Variants in COBLL1 observed in about 807,000 individuals in gnomAD.
COBLL1 encodes cordon-bleu protein-like 1.
A neutral mutation model predicts 94.8 loss-of-function variants in COBLL1; 50 were observed. The ratio of observed to expected loss-of-function variants is 0.53; its 90% CI spans 0.42 to 0.67. The LOEUF is 0.67. Ranked by LOEUF, COBLL1 falls within the 30% of genes least tolerant of loss-of-function variation. The pLI is 0.00. For synonymous variants in COBLL1, 448 were observed against 473.8 expected (o/e 0.95, Z 0.71); for missense variants, 1,362 against 1,348.7 (o/e 1.01, Z -0.15).
chr2:164,814,936 T>C (rs910057910), intron 2 of COBLL1, among the ~76,000 whole-genome samples: 5 of 152,182 alleles, frequency 3.3e-5, no homozygotes, highest in African/African-American at 1.2e-4. Context: ...TGTCTCAGCA[T>C]TTTAGTCTCT....
chr2:164,728,918 C>T (rs1031233555), intron 4 of COBLL1, among the ~76,000 whole-genome samples: 5 of 151,956 alleles, frequency 3.3e-5, no homozygotes, highest in East Asian at 1.9e-4. Context: ...AACTTAGCAA[C>T]ATGAGACCAT....
At chr2:164,702,648 GT>G (rs1353079797) in intron 9 of COBLL1, among the ~76,000 whole-genome samples, 1 of 151,184 alleles carries the variant, frequency 6.6e-6, no homozygotes, top group African/African-American at 2.4e-5. Flanking sequence ...AGATACAAAT[GT>G]GTTTTTTAAT....
chr2:164,820,885 T>G (rs1685134945), intron 2 of COBLL1, among the ~76,000 whole-genome samples: 2 of 151,988 alleles, frequency 1.3e-5, no homozygotes, highest in South Asian at 4.2e-4. Flanking sequence ...GACAATTTTT[T>G]GTTTTGTTTT....
At chr2:164,824,106 G>T (rs1244074560) in intron 2 of COBLL1, among the ~76,000 whole-genome samples, 1 of 152,182 alleles carries the variant, frequency 6.6e-6, no homozygotes, top group East Asian at 1.9e-4. Flanking sequence ...CTAGGGCCGG[G>T]CGCAGTGGCT....
At chr2:164,708,721 G>T (rs1241361696) in intron 7 of COBLL1, among the ~76,000 whole-genome samples, 1 of 152,170 alleles carries the variant, frequency 6.6e-6, no homozygotes, top group Non-Finnish European at 1.5e-5. Flanking sequence ...CCACTCCTAT[G>T]GCAGATCTAG....
downstream of COBLL1, among the ~76,000 whole-genome samples, chr2:164,675,672 G>A (rs1408071287): frequency 6.6e-6 from 1 of 152,188 alleles, no homozygotes; most frequent in Non-Finnish European, 1.5e-5. Context: ...TTTGGCATGT[G>A]TATTAAATGT....
At chr2:164,792,708 T>C (rs115311825) in intron 2 of COBLL1, among the ~76,000 whole-genome samples, 2,162 of 152,306 alleles carry the variant, frequency 0.014, 19 homozygotes, top group Middle Eastern at 0.048. Flanking sequence ...AAAGACATAA[T>C]TGTCCCTTTC....
intron 2 of COBLL1, among the ~76,000 whole-genome samples, chr2:164,658,178 C>A (rs908719343): frequency 1.3e-5 from 2 of 152,090 alleles, no homozygotes; most frequent in African/African-American, 4.8e-5. Context: ...AAGATGGAAG[C>A]GGTCACCTTC....
At chr2:164,818,556 T>C (rs190930308) in intron 2 of COBLL1, among the ~76,000 whole-genome samples, 2 of 148,480 alleles carry the variant, frequency 1.3e-5, no homozygotes, top group African/African-American at 4.9e-5. Flanking sequence ...TGTGTACATA[T>C]GTACACATAT....
At position 164,686,001 on chromosome 2, in the gene COBLL1, T is replaced by C. The variant is rs1443442013; in HGVS notation, c.3332A>G (p.Asn1111Ser). 6.2e-7 allele frequency: 1 copy of C among 1,606,196 alleles called. No individual in the cohort carries two copies. The highest frequency in any genetic ancestry group is 1.7e-5 in the Admixed American group (1 of 59,216). ...GGAATGGCTGAGTCTTGACCTTCCATTCACAGATATTGTATTTGATGGAAT... is the reference window on the plus strand; with the variant it reads ...GGAATGGCTGAGTCTTGACCTTCCACTCACAGATATTGTATTTGATGGAAT... ...VTIPSNTISV[N>S]GRSRLSHSMS... The change falls in exon 14 of 14, where the codon AAT (asparagine) becomes AGT (serine). Residue 1111 changes from asparagine (N) to serine (S), a missense_variant. Asn to Ser is a conservative substitution (Grantham distance 46). Coordinates refer to ENST00000652658, the MANE Select transcript of COBLL1 (RefSeq NM_001365672.2).
In COBLL1 at chr2:164,738,859, T is replaced by C. The variant is rs74832686; in HGVS notation, c.230+4828A>G. Among the ~76,000 whole-genome samples the C allele has an allele frequency of 4.3e-3, 662 of 152,270 alleles. 1 individual carries two copies. Among genetic ancestry groups the C allele is most frequent in the African/African-American group, 0.015 (608 of 41,544 alleles). On this transcript the variant is annotated intron_variant, in intron 3 of 13. Transcript: ENST00000652658. The stretch of plus-strand genomic sequence containing the variant: ...TCAAAAAGTTTTGGAATTTGAAGCA[T>C]TTGAGATTTTGGATTTGGTATACAC...
In COBLL1 at chr2:164,694,329, T is replaced by G; in HGVS notation, c.3063A>C (p.Glu1021Asp). The change falls in exon 12 of 14, where the codon GAA becomes GAC. Residue 1021 changes from glutamate to aspartate, a missense_variant. Glu to Asp is a conservative substitution (Grantham distance 45). Transcript: ENST00000652658. ...ALVQPPANTE[E>D]GKTHSVNKFV... ...ATTTATTTACAGAATGAGTCTTCCC[T>G]TCCTCTGTGTTGGCTGGAGGTTGGA... The G allele has an allele frequency of 6.2e-7, 1 of 1,613,982 alleles. No homozygotes were observed. Among genetic ancestry groups the G allele is most frequent in the African/African-American group, 1.3e-5 (1 of 75,036 alleles).
At chr2:164,787,812 C>A (rs536605686) in intron 2 of COBLL1, among the ~76,000 whole-genome samples, 1 of 152,264 alleles carries the variant, frequency 6.6e-6, no homozygotes, top group Non-Finnish European at 1.5e-5. Context: ...TAATAGCTTC[C>A]CTGCTCCCAT....
intron 2 of COBLL1, among the ~76,000 whole-genome samples, chr2:164,765,395 A>T (rs2105233633): frequency 6.6e-6 from 1 of 152,364 alleles, no homozygotes; most frequent in South Asian, 2.1e-4. Context: ...AAATGTAGGA[A>T]CAAAGAGAAG....
At chr2:164,666,382 G>A (rs182229242) in intron 1 of COBLL1, among the ~76,000 whole-genome samples, 3 of 152,250 alleles carry the variant, frequency 2.0e-5, no homozygotes, top group East Asian at 1.9e-4. Flanking sequence ...AAATGCTAAC[G>A]ATCATCTGAA....
intron 7 of COBLL1, among the ~76,000 whole-genome samples, chr2:164,718,951 G>T (rs952988926): frequency 2.6e-5 from 4 of 151,822 alleles, no homozygotes; most frequent in Admixed American, 6.6e-5. Flanking sequence ...AAGTAAAATT[G>T]TAATCATTCT....
downstream of COBLL1, among the ~76,000 whole-genome samples, chr2:164,676,107 T>C (rs918488322): frequency 6.6e-6 from 1 of 152,228 alleles, no homozygotes; most frequent in African/African-American, 2.4e-5. Context: ...ATGCAGTAAA[T>C]AAACTAACAT....
At chr2:164,779,700 C>T (rs1327468816) in intron 2 of COBLL1, 1 of 471,000 alleles carries the variant, frequency 2.1e-6, no homozygotes. Flanking sequence ...CAAAAAGTCC[C>T]CTTTTAGCTC....
At chr2:164,659,996 A>G (rs1162306467) in intron 2 of COBLL1, among the ~76,000 whole-genome samples, 1 of 152,160 alleles carries the variant, frequency 6.6e-6, no homozygotes, top group Non-Finnish European at 1.5e-5. Flanking sequence ...ATAGCTTGCA[A>G]ATTTGAGGTA....
Sources: gnomAD v4.1 joint callset for allele counts (sites outside exome capture counted in the v4.1 genomes callset) on GRCh38, gnomAD v4.1.1 for gene constraint, MANE v1.5 for transcripts, NCBI Gene and HGNC (gene_info 2026-07-23, HGNC 2026-07-21) for gene names.